Variants in KIF17 observed in about 807,000 individuals in gnomAD.
KIF17 encodes kinesin family member 17.
KIF17 carries 80 observed loss-of-function variants against 96.8 expected under a neutral mutation model. That is an observed-to-expected ratio of 0.83 (90% CI 0.69 to 1.00). KIF17 has a LOEUF of 1.00. Among genes scored for constraint, KIF17 ranks in the 50% least tolerant of loss-of-function variants. The pLI is 0.00. For synonymous variants in KIF17, 567 were observed against 587.5 expected (o/e 0.97, Z 0.51); for missense variants, 1,280 against 1,372.9 (o/e 0.93, Z 1.07).
At chr1:20,710,843 A>G (rs1271679185) in intron 3 of KIF17, among the ~76,000 whole-genome samples, 1 of 152,128 alleles carries the variant, frequency 6.6e-6, no homozygotes, top group Non-Finnish European at 1.5e-5. Context: ...CCCAGAAAGG[A>G]GAAGGTGAAG....
rs1472154347 is a variant in KIF17 at position 20,717,555 on chromosome 1, T to C, written c.152A>G (p.Gln51Arg). ...GTGGTAGGCGCCGTCGAAGGTGAAC[T>C]GCTTGGGCGGCTCGTCGGCGGCGCC... is the stretch of plus-strand genomic sequence containing the variant. ...NPGAADEPPK[Q>R]FTFDGAYHVD... The change falls in exon 1 of 15, where the codon CAG (glutamine) becomes CGG (arginine). Residue 51 changes from glutamine to arginine, a missense_variant. Coordinates refer to ENST00000400463, the MANE Select transcript of KIF17 (RefSeq NM_001122819.3). The C allele has an allele frequency of 6.2e-7, 1 of 1,611,448 alleles. No homozygotes were observed. Among genetic ancestry groups the C allele is most frequent in the Non-Finnish European group, 8.5e-7 (1 of 1,179,388 alleles).
rs1449795682 is a variant in KIF17, at chr1:20,709,639, C to A, written c.670G>T (p.Asp224Tyr). The A allele has an allele frequency of 6.2e-7, 1 of 1,613,864 alleles. No individual in the cohort carries two copies. The highest frequency in any genetic ancestry group is 8.5e-7 in the Non-Finnish European group (1 of 1,180,014). ...TGCCCCCAACAATGGCCTCGCATAC[C>A]CACGGCAGACATCTCGATGCTGATG... ...FTISIEMSAV[D>Y]ERGKDHLRAG... is the part of the protein sequence containing the mutation. The change falls in exon 4 of 15, where the codon GAT becomes TAT. Residue 224 changes from aspartate (D) to tyrosine (Y), a missense_variant and splice_region_variant. Physicochemically the swap from Asp to Tyr is radical, Grantham distance 160. Transcript: ENST00000400463. The surrounding 1 kb of genome is among the most constrained non-coding windows in gnomAD (Gnocchi z 4.7).
chr1:20,702,086 G>A (rs764386025), intron 5 of KIF17, among the ~76,000 whole-genome samples: 21 of 152,278 alleles, frequency 1.4e-4, no homozygotes, highest in Non-Finnish European at 2.4e-4. Flanking sequence ...GCCAGGCCTC[G>A]TGCTGAGCCC....
Position 20,665,549 on chromosome 1 carries a change from G to A in KIF17, c.2908+665C>T, listed in dbSNP as rs897178183. On this transcript the variant is annotated intron_variant, in intron 14 of 14. Transcript: ENST00000400463. ...TGAGTAGTTGGGATTACAGGCACAC[G>A]CCACTACCGCCCGGCTAATTTTTGT... Among the ~76,000 whole-genome samples, 8 of 151,780 alleles carry A rather than the reference G, an allele frequency of 5.3e-5. No individual in the cohort carries two copies. In the East Asian group the frequency reaches 5.8e-4, roughly 11 times the overall value.
intron 2 of KIF17, among the ~76,000 whole-genome samples, chr1:20,714,190 G>C (rs1482647187): frequency 6.6e-6 from 1 of 152,218 alleles, no homozygotes; most frequent in Non-Finnish European, 1.5e-5. Context: ...AGCCAGGCAT[G>C]GTGGTGGGTG....
In KIF17 at chr1:20,687,665, G is replaced by A; in HGVS notation, c.1661C>T (p.Pro554Leu). 1 of 1,614,224 alleles carries A rather than the reference G, an allele frequency of 6.2e-7. No individual in the cohort carries two copies. The highest frequency in any genetic ancestry group is 8.5e-7 in the Non-Finnish European group (1 of 1,180,042). ...CACGTTGGAGGGCTCCTCAGGCCCA[G>A]GGAAAGCCTCGGACACAGAGGTTTC... ...LEETSVSEAF[P>L]GPEEPSNVEV... The change falls in exon 8 of 15, where the codon CCT (proline) becomes CTT (leucine). Residue 554 changes from proline to leucine, a missense_variant. Physicochemically the swap from Pro to Leu is moderately conservative, Grantham distance 98. Transcript: ENST00000400463. This position sits in a 1 kb window ranked among gnomAD's most constrained non-coding sequence, Gnocchi z 4.4.
chr1:20,661,682 C>T, downstream of KIF17: 1 of 446,994 alleles, frequency 2.2e-6, no homozygotes, highest in South Asian at 3.8e-5. Flanking sequence ...GGCCTCCCGC[C>T]CCCTAGTCTG....
chr1:20,663,192 C>T (rs1209808146), downstream of KIF17, among the ~76,000 whole-genome samples: 2 of 152,120 alleles, frequency 1.3e-5, no homozygotes, highest in African/African-American at 2.4e-5. Flanking sequence ...CGCTGCTGCA[C>T]TCCAGCCTGG....
chr1:20,697,304 C>T (rs1456032187), intron 6 of KIF17, among the ~76,000 whole-genome samples: 5 of 152,172 alleles, frequency 3.3e-5, no homozygotes, highest in Non-Finnish European at 5.9e-5. Context: ...CAGGAAAAGC[C>T]AGGGTTCTAA....
At chr1:20,705,893 CTTTTTTTTTTT>C (rs747719983) in intron 4 of KIF17, among the ~76,000 whole-genome samples, 45 of 53,568 alleles carry the variant, frequency 8.4e-4, no homozygotes, top group African/African-American at 2.6e-3. Context: ...TAGGATGTCT[CTTTTTTTTTTT>C]TTTTTTTTTT....
chr1:20,717,569 G>A lies in KIF17; in HGVS notation c.138C>T (p.Asp46=). 6.2e-7 allele frequency: 1 copy of A among 1,611,794 alleles called. No homozygotes were observed. Among genetic ancestry groups the A allele is most frequent in the South Asian group, 1.1e-5 (1 of 91,080 alleles). The change falls in exon 1 of 15, where the codon GAC becomes GAT. Residue 46 remains aspartate (D), a synonymous_variant. Coordinates refer to ENST00000400463, the MANE Select transcript of KIF17 (RefSeq NM_001122819.3). ...QCCIQNPGAA[D]EPPKQFTFDG... Reference sequence around the variant, plus strand: ...CGAAGGTGAACTGCTTGGGCGGCTCGTCGGCGGCGCCCGGGTTCTGGATGC... The same window carrying A: ...CGAAGGTGAACTGCTTGGGCGGCTCATCGGCGGCGCCCGGGTTCTGGATGC...
intron 8 of KIF17, among the ~76,000 whole-genome samples, chr1:20,686,668 G>GC (rs2053944664): frequency 6.6e-6 from 1 of 152,126 alleles, no homozygotes; most frequent in African/African-American, 2.4e-5. Context: ...TGATCCTCCT[G>GC]CCTCAGCCTC....
chr1:20,702,085 C>T (rs865837886), intron 5 of KIF17, among the ~76,000 whole-genome samples: 20 of 152,312 alleles, frequency 1.3e-4, no homozygotes, highest in Non-Finnish European at 1.3e-4. Context: ...TGCCAGGCCT[C>T]GTGCTGAGCC....
intron 6 of KIF17, among the ~76,000 whole-genome samples, chr1:20,696,796 C>G (rs1224225449): frequency 6.6e-6 from 1 of 152,158 alleles, no homozygotes; most frequent in Non-Finnish European, 1.5e-5. Context: ...CCACTCCGAA[C>G]AACAGCAGGC....
rs2053962404 is a variant in KIF17, at chr1:20,687,615, ACTC to A, written c.1708_1710del (p.Glu570del). On this transcript the variant is annotated inframe_deletion, in exon 8 of 15. Coordinates refer to ENST00000400463, the MANE Select transcript of KIF17 (RefSeq NM_001122819.3). This position sits in a 1 kb window ranked among gnomAD's most constrained non-coding sequence, Gnocchi z 4.4. ...TCATCCAGGAAGTATCTGCTCCTGG[ACTC>A]CTCAGTGGGCATGGAGACCTCCACG... 1 of 1,613,484 alleles carries A rather than the reference ACTC, an allele frequency of 6.2e-7. No individual in the cohort carries two copies. The highest frequency in any genetic ancestry group is 1.1e-5 in the South Asian group (1 of 91,040).
intron 14 of KIF17, 50 bp downstream of exon 14, chr1:20,666,164 C>T (rs762969132): frequency 1.5e-6 from 2 of 1,351,098 alleles, no homozygotes; most frequent in East Asian, 2.3e-5. Context: ...ATCCCCTTCA[C>T]GCCTCTCCCA....
chr1:20,709,903 G>A lies in KIF17; in HGVS notation c.481-75C>T. The A allele has an allele frequency of 2.1e-6, 3 of 1,425,658 alleles. No homozygotes were observed. In the South Asian group the frequency reaches 3.7e-5, roughly 17 times the overall value. The allele number at this position is 1,425,658 out of a possible 1,614,324, so 88.3% of individuals were successfully genotyped here. On this transcript the variant is annotated intron_variant, in intron 3 of 14. Transcript: ENST00000400463. The surrounding 1 kb of genome is among the most constrained non-coding windows in gnomAD (Gnocchi z 4.7). ...AGGACCAGGGATGGTCAAGGAACCA[G>A]AGAGAAGGGCCCCATCCAGACCGCC... is the stretch of plus-strand genomic sequence containing the variant.
rs1570479590 is a variant in KIF17 at position 20,709,672 on chromosome 1, T to A, written c.637A>T (p.Ile213Phe). 3 of 1,614,072 alleles carry A rather than the reference T, an allele frequency of 1.9e-6. No individual in the cohort carries two copies. ...GACATCTCGATGCTGATGGTGAAGA[T>A]GGAGTGCGAGCGTGAGGAATCCTTG... ...MNKDSSRSHS[I>F]FTISIEMSAV... The change falls in exon 4 of 15, where the codon ATC becomes TTC. Residue 213 changes from isoleucine to phenylalanine, a missense_variant. Transcript: ENST00000400463. This position sits in a 1 kb window ranked among gnomAD's most constrained non-coding sequence, Gnocchi z 4.7.
chr1:20,711,788 G>A (rs372232542), intron 3 of KIF17, among the ~76,000 whole-genome samples: 1 of 152,328 alleles, frequency 6.6e-6, no homozygotes, highest in East Asian at 1.9e-4. Context: ...CACGGGTTAA[G>A]AGTGTGTGCT....
Sources: allele counts gnomAD v4.1 joint callset (sites outside exome capture counted in the v4.1 genomes callset), GRCh38; gene constraint gnomAD v4.1.1; non-coding constraint Gnocchi (gnomAD v3.1); transcripts MANE v1.5; gene names NCBI Gene and HGNC (gene_info 2026-07-23, HGNC 2026-07-21).